The following CDH13 variants were observed in gnomAD, a reference collection of about 807,000 sequenced individuals.
CDH13 encodes the protein cadherin-13.
A neutral mutation model predicts 63.8 loss-of-function variants in CDH13; 24 were observed. That is an observed-to-expected ratio of 0.38 (90% confidence interval 0.27 to 0.53). The LOEUF is 0.53. Ranked by LOEUF, CDH13 falls within the 20% of genes least tolerant of loss-of-function variation. The pLI, the probability that CDH13 is intolerant of heterozygous loss-of-function variation, is 0.85. For missense variants in CDH13, 1,049 were observed against 903.1 expected (o/e 1.16, Z -2.07); for synonymous variants, 503 against 355.3 (o/e 1.42, Z -4.67).
chr16:83,781,738 A>T (rs142435933), intron 12 of CDH13, among the ~76,000 whole-genome samples: 189 of 151,232 alleles, frequency 1.2e-3, no homozygotes, highest in African/African-American at 4.5e-3. Flanking sequence ...GTTCTTTCCA[A>T]TTGGAACTTT....
chr16:82,832,438 CCTT>C (rs1006408162), intron 1 of CDH13, among the ~76,000 whole-genome samples: 17 of 152,120 alleles, frequency 1.1e-4, no homozygotes, highest in Admixed American at 2.0e-4. Context: ...TCCTCCTCCT[CCTT>C]CTCTCCTTCC....
intron 2 of CDH13, among the ~76,000 whole-genome samples, chr16:82,977,481 C>T (rs1013342584): frequency 2.0e-5 from 3 of 152,172 alleles, no homozygotes; most frequent in Non-Finnish European, 4.4e-5. Flanking sequence ...AGTGAGTTCT[C>T]ACGAGATGTG....
intron 1 of CDH13, among the ~76,000 whole-genome samples, chr16:82,699,323 G>C (rs529683706): frequency 1.3e-5 from 2 of 152,242 alleles, no homozygotes; most frequent in Admixed American, 1.3e-4. Flanking sequence ...TAAGCTTCCA[G>C]GAGGACCACC....
At chr16:83,193,599 C>G (rs565954270) in intron 4 of CDH13, among the ~76,000 whole-genome samples, 169 of 152,210 alleles carry the variant, frequency 1.1e-3, no homozygotes, top group Admixed American at 3.3e-3. Flanking sequence ...GAATCCCATT[C>G]ATTTGTGCAA....
At chr16:83,738,028 T>C (rs1233106325) in intron 10 of CDH13, among the ~76,000 whole-genome samples, 1 of 152,206 alleles carries the variant, frequency 6.6e-6, no homozygotes, top group Non-Finnish European at 1.5e-5. Context: ...CAGTGATCAA[T>C]GAATGTGCGC....
At chr16:83,103,341 G>T (rs1402415854) in intron 3 of CDH13, among the ~76,000 whole-genome samples, 1 of 145,116 alleles carries the variant, frequency 6.9e-6, no homozygotes, top group Non-Finnish European at 1.5e-5. Context: ...GTGCCTCCAG[G>T]TTCAAGCAAT....
chr16:83,646,565 G>A (rs1911814166), intron 8 of CDH13, among the ~76,000 whole-genome samples: 1 of 151,882 alleles, frequency 6.6e-6, no homozygotes, highest in South Asian at 2.1e-4. Flanking sequence ...AGCTGGGCGT[G>A]GTGGCGCATC....
At chr16:83,003,046 C>G (rs930293798) in intron 2 of CDH13, among the ~76,000 whole-genome samples, 3 of 152,226 alleles carry the variant, frequency 2.0e-5, no homozygotes, top group Non-Finnish European at 4.4e-5. Context: ...CAGCATGACT[C>G]AGCTCATATG....
intron 2 of CDH13, among the ~76,000 whole-genome samples, chr16:82,875,318 T>G (rs1035238448): frequency 6.6e-6 from 1 of 152,192 alleles, no homozygotes; most frequent in Admixed American, 6.5e-5. Flanking sequence ...AGCGTTTTGT[T>G]GGCTATAATT....
intron 5 of CDH13, among the ~76,000 whole-genome samples, chr16:83,253,292 G>A (rs547157311): frequency 1.8e-4 from 27 of 152,272 alleles, no homozygotes; most frequent in African/African-American, 6.0e-4. Context: ...CTGCTAGGGC[G>A]GGGTACCTGA....
At chr16:83,274,198 T>C (rs1419897393) in intron 5 of CDH13, among the ~76,000 whole-genome samples, 1 of 152,172 alleles carries the variant, frequency 6.6e-6, no homozygotes, top group Non-Finnish European at 1.5e-5. Context: ...TGACAACCAT[T>C]CTGCTGGGTG....
intron 1 of CDH13, among the ~76,000 whole-genome samples, chr16:82,750,402 A>G (rs78382672): frequency 0.015 from 2,298 of 152,098 alleles, 58 homozygotes; most frequent in African/African-American, 0.053. Context: ...TTATCTTGTG[A>G]TTTATCACCC....
At chr16:83,168,382 C>G (rs2037776570) in intron 4 of CDH13, among the ~76,000 whole-genome samples, 1 of 151,864 alleles carries the variant, frequency 6.6e-6, no homozygotes, top group South Asian at 2.1e-4. Context: ...TATATATACA[C>G]ACACATATAT....
chr16:83,100,892 G>C (rs2034443189), intron 3 of CDH13, among the ~76,000 whole-genome samples: 1 of 152,064 alleles, frequency 6.6e-6, no homozygotes, highest in Non-Finnish European at 1.5e-5. Flanking sequence ...ACCATAAATG[G>C]AGGCTTTTTG....
intron 6 of CDH13, among the ~76,000 whole-genome samples, chr16:83,426,149 T>G (rs2071888337): frequency 6.6e-6 from 1 of 152,122 alleles, no homozygotes; most frequent in African/African-American, 2.4e-5. Flanking sequence ...CATCCATTCC[T>G]TCTCTGAAGC....
intron 4 of CDH13, among the ~76,000 whole-genome samples, chr16:83,147,787 G>A (rs2036813551): frequency 6.6e-6 from 1 of 151,998 alleles, no homozygotes; most frequent in African/African-American, 2.4e-5. Flanking sequence ...TGGTCTCTGG[G>A]GTCACAGGGG....
intron 5 of CDH13, among the ~76,000 whole-genome samples, chr16:83,284,615 G>A (rs1706000088): frequency 6.6e-6 from 1 of 151,870 alleles, no homozygotes; most frequent in Non-Finnish European, 1.5e-5. Context: ...GAACTTCTCT[G>A]GTCAACTCAG....
intron 8 of CDH13, among the ~76,000 whole-genome samples, chr16:83,660,746 T>G (rs994196060): frequency 2.0e-5 from 3 of 152,230 alleles, no homozygotes; most frequent in Non-Finnish European, 4.4e-5. Context: ...GATTCAGATG[T>G]TGGTGGTCAA....
intron 8 of CDH13, among the ~76,000 whole-genome samples, chr16:83,605,190 A>G (rs28445808): frequency 0.14 from 20,795 of 152,242 alleles, 2,979 homozygotes; most frequent in African/African-American, 0.36. Flanking sequence ...GATTCCCAAA[A>G]GGCAGAGCTG....
Sources: gnomAD v4.1 joint callset for allele counts (sites outside exome capture counted in the v4.1 genomes callset) on GRCh38, gnomAD v4.1.1 for gene constraint, MANE v1.5 for transcripts, NCBI Gene and HGNC (gene_info 2026-07-23, HGNC 2026-07-21) for gene names.